UVRAG: variants seen among roughly 807,000 people sequenced by gnomAD.
UVRAG encodes the protein UV radiation resistance-associated gene protein.
A neutral mutation model predicts 78.0 loss-of-function variants in UVRAG; 19 were observed. That is an observed-to-expected ratio of 0.24 (90% CI 0.17 to 0.36). The LOEUF is 0.36. Ranked by LOEUF, UVRAG falls within the 10% of genes least tolerant of loss-of-function variation. The pLI, the probability that UVRAG is intolerant of heterozygous loss-of-function variation, is 1.00. For synonymous variants in UVRAG, 323 were observed against 324.6 expected, an observed-to-expected ratio of 1.00 and a Z score of 0.05; for missense variants, 740 against 853.8, an observed-to-expected ratio of 0.87 and a Z score of 1.66.
At chr11:76,015,097 C>T (rs116995608) in intron 11 of UVRAG, among the ~76,000 whole-genome samples, 1 of 152,238 alleles carries the variant, frequency 6.6e-6, no homozygotes, top group East Asian at 1.9e-4. Context: ...TGCAAGTCAT[C>T]GAGGACTCTC....
intron 5 of UVRAG, among the ~76,000 whole-genome samples, chr11:75,891,382 C>T (rs954109943): frequency 6.6e-6 from 1 of 152,120 alleles, no homozygotes; most frequent in Admixed American, 6.6e-5. Context: ...AATACTGTTG[C>T]AACATTAAGT....
In UVRAG at chr11:76,016,970, A is replaced by C; in HGVS notation, c.1216A>C (p.Lys406Gln). ...KDNINDKLTE[K>Q]EREFPLYPKG... is the part of the protein sequence containing the mutation. ...CAATATCAATGACAAACTGACGGAA[A>C]AGGAGAGAGAGTAAGTGTCTTTTTT... The change falls in exon 12 of 15, where the codon AAG becomes CAG. Residue 406 changes from lysine (K) to glutamine (Q), a missense_variant. Physicochemically the swap from Lys to Gln is moderately conservative, Grantham distance 53. Transcript: ENST00000356136. 6.2e-7 allele frequency: 1 copy of C among 1,603,294 alleles called. No homozygotes were observed.
chr11:75,846,925 G>A (rs966702490), intron 1 of UVRAG, among the ~76,000 whole-genome samples: 1 of 152,044 alleles, frequency 6.6e-6, no homozygotes, highest in African/African-American at 2.4e-5. Flanking sequence ...CCTTGTTCAG[G>A]CGATTCTCCT....
chr11:75,984,049 T>G (rs534519727), intron 8 of UVRAG, among the ~76,000 whole-genome samples: 4 of 152,346 alleles, frequency 2.6e-5, no homozygotes, highest in South Asian at 4.1e-4. Flanking sequence ...ATGGTTTGAT[T>G]TAATGATGAT....
chr11:75,890,601 G>C (rs1947194070), intron 5 of UVRAG, among the ~76,000 whole-genome samples: 1 of 152,210 alleles, frequency 6.6e-6, no homozygotes, highest in African/African-American at 2.4e-5. Context: ...TGTGGAGTTT[G>C]AGATGCCTTT....
intron 11 of UVRAG, among the ~76,000 whole-genome samples, chr11:76,014,719 C>T (rs1950116733): frequency 6.6e-6 from 1 of 152,198 alleles, no homozygotes; most frequent in Non-Finnish European, 1.5e-5. Flanking sequence ...GCCATTTATA[C>T]CACCTGGGTC....
At chr11:75,878,239 G>A (rs1565359197) in intron 3 of UVRAG, among the ~76,000 whole-genome samples, 2 of 150,798 alleles carry the variant, frequency 1.3e-5, no homozygotes, top group South Asian at 4.2e-4. Flanking sequence ...CGGGGCAAAG[G>A]TGCTCCCCAC....
chr11:75,831,622 A>G (rs1269999052), intron 1 of UVRAG, among the ~76,000 whole-genome samples: 1 of 152,238 alleles, frequency 6.6e-6, no homozygotes. Flanking sequence ...GCATGCTAGC[A>G]GAGGGACCAG....
chr11:75,957,638 AC>A (rs1948827249), intron 6 of UVRAG, among the ~76,000 whole-genome samples: 2 of 152,186 alleles, frequency 1.3e-5, no homozygotes, highest in Admixed American at 1.3e-4. Flanking sequence ...AAAGCTGACA[AC>A]TTAACAATAT....
intron 8 of UVRAG, among the ~76,000 whole-genome samples, chr11:76,000,878 A>T (rs1464811323): frequency 1.3e-5 from 2 of 152,228 alleles, no homozygotes; most frequent in Non-Finnish European, 2.9e-5. Context: ...AAGCAAAAAT[A>T]GATAGAACTG....
chr11:75,849,736 A>C (rs1409639036), intron 1 of UVRAG, among the ~76,000 whole-genome samples: 1 of 152,242 alleles, frequency 6.6e-6, no homozygotes, highest in Non-Finnish European at 1.5e-5. Context: ...TAAGTGCTAT[A>C]GTAGAGATAG....
At chr11:75,944,373 G>A (rs1300569747) in intron 6 of UVRAG, among the ~76,000 whole-genome samples, 1 of 152,162 alleles carries the variant, frequency 6.6e-6, no homozygotes, top group Non-Finnish European at 1.5e-5. Context: ...TGTCAGGATA[G>A]CTTTGGGAGC....
chr11:76,087,421 C>G (rs1788057137), intron 13 of UVRAG, among the ~76,000 whole-genome samples: 1 of 152,146 alleles, frequency 6.6e-6, no homozygotes, highest in Non-Finnish European at 1.5e-5. Context: ...TCAGTGAATA[C>G]TTATTGACTG....
intron 2 of UVRAG, among the ~76,000 whole-genome samples, chr11:75,853,273 A>G (rs778322310): frequency 2.0e-5 from 3 of 152,180 alleles, no homozygotes; most frequent in South Asian, 2.1e-4. Context: ...TTTAATGTCA[A>G]TTCCAGTATC....
In UVRAG at chr11:76,108,351, A is replaced by G. The variant is rs114288551; in HGVS notation, c.1306-7573A>G. 5.6e-3 allele frequency among the ~76,000 whole-genome samples: 857 copies of G among 152,332 alleles called. 7 individuals carry two copies. Among genetic ancestry groups the G allele is most frequent in the African/African-American group, 0.02 (825 of 41,586 alleles). On this transcript the variant is annotated intron_variant, in intron 13 of 14. Transcript: ENST00000356136. ...ATATTAAATTAAACCTCTCAGCTCA[A>G]TAGGAGGATGCTTACTGGGTGCAAG... is the stretch of plus-strand genomic sequence containing the variant.
chr11:75,884,232 C>CTCTCTCTCTCTCTCTCTCTCTT (rs1299920001), intron 4 of UVRAG, among the ~76,000 whole-genome samples: 1 of 151,666 alleles, frequency 6.6e-6, no homozygotes, highest in African/African-American at 2.4e-5. Context: ...CTCTCTCTCT[C>CTCTCTCTCTCTCTCTCTCTCTT]TCTCTCTTTC....
intron 5 of UVRAG, among the ~76,000 whole-genome samples, chr11:75,903,469 G>A (rs1327110286): frequency 1.3e-5 from 2 of 152,132 alleles, no homozygotes; most frequent in Non-Finnish European, 2.9e-5. Context: ...GAAGCTAAAC[G>A]AATTGGACTA....
rs144301853 is a variant in UVRAG, at chr11:76,075,550, C to T, written c.1305+9762C>T. 4.4e-3 allele frequency among the ~76,000 whole-genome samples: 666 copies of T among 150,702 alleles called. 5 individuals are homozygous for T. Among genetic ancestry groups the T allele is most frequent in the African/African-American group, 0.016 (641 of 40,892 alleles). ...GAAGGAGTGGCTTGTACCTGGGAGG[C>T]GGAGGTTGCATGAGCCATGCCACTG... On this transcript the variant is annotated intron_variant, in intron 13 of 14. Transcript: ENST00000356136.
At chr11:75,867,296 A>G (rs2134809838) in intron 3 of UVRAG, among the ~76,000 whole-genome samples, 1 of 152,336 alleles carries the variant, frequency 6.6e-6, no homozygotes, top group East Asian at 1.9e-4. Context: ...TCAGCTCTTA[A>G]AAAGCCCTCT....
Sources: gnomAD v4.1 joint callset for allele counts (sites outside exome capture counted in the v4.1 genomes callset) on GRCh38, gnomAD v4.1.1 for gene constraint, MANE v1.5 for transcripts, NCBI Gene and HGNC (gene_info 2026-07-23, HGNC 2026-07-21) for gene names.